The following CCDC146 variants were observed in gnomAD, a reference collection of about 807,000 sequenced individuals.
The protein encoded by CCDC146 is coiled-coil domain-containing protein 146.
A neutral mutation model predicts 119.3 loss-of-function variants in CCDC146; 92 were observed. The ratio of observed to expected loss-of-function variants is 0.77; its 90% CI spans 0.65 to 0.92. The LOEUF (loss-of-function observed/expected upper bound fraction) is 0.92. Ranked by LOEUF, CCDC146 falls within the 40% of genes least tolerant of loss-of-function variation. CCDC146 has a pLI of 0.00. For missense variants in CCDC146, 1,000 were observed against 1,103.0 expected (o/e 0.91, Z 1.32); for synonymous variants, 372 against 371.8 (o/e 1.00, Z -0.01).
chr7:77,183,140 C>T (rs928095161), intron 2 of CCDC146, among the ~76,000 whole-genome samples: 1 of 152,086 alleles, frequency 6.6e-6, no homozygotes, highest in Non-Finnish European at 1.5e-5. Flanking sequence ...CAACAGACGC[C>T]TCTCCCACAC....
At chr7:77,164,257 A>G (rs1584035356) in intron 1 of CCDC146, among the ~76,000 whole-genome samples, 2 of 152,304 alleles carry the variant, frequency 1.3e-5, no homozygotes, top group East Asian at 3.9e-4. Flanking sequence ...TTTAATATCC[A>G]TGAAAGGATT....
chr7:77,290,820 G>A (rs1793930357), intron 17 of CCDC146, among the ~76,000 whole-genome samples: 1 of 152,126 alleles, frequency 6.6e-6, no homozygotes, highest in Non-Finnish European at 1.5e-5. Flanking sequence ...TTCAGAGGCA[G>A]GTAAATCACT....
At chr7:77,281,232 C>T (rs764326711) in intron 14 of CCDC146, among the ~76,000 whole-genome samples, 2 of 152,088 alleles carry the variant, frequency 1.3e-5, no homozygotes, top group Non-Finnish European at 2.9e-5. Context: ...AGTGGTCATT[C>T]GGGTTGCCTC....
chr7:77,281,583 A>G (rs747951114), intron 14 of CCDC146, among the ~76,000 whole-genome samples: 1 of 152,154 alleles, frequency 6.6e-6, no homozygotes, highest in South Asian at 2.1e-4. Flanking sequence ...AGACCTTGAG[A>G]GTACAAAAAA....
chr7:77,171,251 A>G (rs1311293253), intron 2 of CCDC146, among the ~76,000 whole-genome samples: 1 of 152,200 alleles, frequency 6.6e-6, no homozygotes, highest in Non-Finnish European at 1.5e-5. Context: ...ACTAGTTAAA[A>G]TAACTCCTCT....
chr7:77,242,410 C>A, intron 4 of CCDC146: 27 of 984,986 alleles, frequency 2.7e-5, no homozygotes, highest in Non-Finnish European at 3.1e-5. Context: ...CTAGATTGTT[C>A]CTCAGGATCA....
chr7:77,291,916 C>A (rs1793951987), intron 17 of CCDC146, among the ~76,000 whole-genome samples: 1 of 152,174 alleles, frequency 6.6e-6, no homozygotes, highest in Non-Finnish European at 1.5e-5. Context: ...CTTATATAAG[C>A]AAAGAGTAAC....
rs577991628 is a variant in CCDC146 at position 77,258,982 on chromosome 7, G to A, written c.685-13G>A. ...AGACCGCATAATTTAACATGATTTC[G>A]TTTCTTTACTAGGATGAAGTGGCCC... is the stretch of plus-strand genomic sequence containing the variant. On this transcript the variant is annotated splice_polypyrimidine_tract_variant and intron_variant, in intron 6 of 18. Transcript: ENST00000285871. 69 of 1,594,368 alleles carry A rather than the reference G, an allele frequency of 4.3e-5. No homozygotes were observed. The highest frequency in any genetic ancestry group is 1.0e-4 in the Admixed American group (6 of 59,096).
intron 9 of CCDC146, among the ~76,000 whole-genome samples, chr7:77,271,326 C>T (rs895127298): frequency 7.3e-5 from 11 of 151,306 alleles, no homozygotes; most frequent in Admixed American, 5.3e-4. Context: ...ATCTTTCTCC[C>T]GTGCTGGACC....
chr7:77,215,344 T>A (rs542117266), intron 2 of CCDC146, among the ~76,000 whole-genome samples: 52 of 152,240 alleles, frequency 3.4e-4, no homozygotes, highest in Non-Finnish European at 6.3e-4. Context: ...GACATGATTC[T>A]AGTAGTCTTG....
intron 2 of CCDC146, among the ~76,000 whole-genome samples, chr7:77,179,392 A>G (rs3095463): frequency 0.072 from 10,984 of 152,192 alleles, 669 homozygotes; most frequent in Non-Finnish European, 0.1. Flanking sequence ...AGAGACAACC[A>G]TAATTAACAA....
At chr7:77,167,153 T>C (rs1166619337) in intron 1 of CCDC146, among the ~76,000 whole-genome samples, 1 of 152,162 alleles carries the variant, frequency 6.6e-6, no homozygotes, top group Non-Finnish European at 1.5e-5. Flanking sequence ...TAAATAAGAA[T>C]ATAGTTTCTG....
In CCDC146 at chr7:77,196,885, A is replaced by C. The variant is rs1388394678; in HGVS notation, c.156+29061A>C. ...TGGTCTCCATGTCACAGTAAACTTC[A>C]AAGCTACTATTTTTGGGATCAGGTG... On this transcript the variant is annotated intron_variant, in intron 2 of 18. Transcript: ENST00000285871. The surrounding 1 kb of genome is among the most constrained non-coding windows in gnomAD (Gnocchi z 4.2). 7 of 1,613,810 alleles carry C rather than the reference A, an allele frequency of 4.3e-6. No homozygotes were observed. Among genetic ancestry groups the C allele is most frequent in the Non-Finnish European group, 5.1e-6 (6 of 1,179,968 alleles).
intron 2 of CCDC146, among the ~76,000 whole-genome samples, chr7:77,228,396 G>C (rs1052040232): frequency 2.6e-5 from 4 of 152,134 alleles, no homozygotes; most frequent in Non-Finnish European, 5.9e-5. Flanking sequence ...ACTTATAAGT[G>C]AGAACATGTG....
At chr7:77,171,284 A>G (rs1056877402) in intron 2 of CCDC146, among the ~76,000 whole-genome samples, 2 of 152,162 alleles carry the variant, frequency 1.3e-5, no homozygotes, top group African/African-American at 2.4e-5. Flanking sequence ...GATATAGCCC[A>G]CTTGTTTCTC....
chr7:77,262,643 G>C (rs1397111867), intron 9 of CCDC146, among the ~76,000 whole-genome samples: 1 of 152,192 alleles, frequency 6.6e-6, no homozygotes, highest in Non-Finnish European at 1.5e-5. Context: ...CCAGTTGAAG[G>C]AGTCAGATCC....
intron 7 of CCDC146, 64 bp from the exon 8 acceptor site, chr7:77,259,945 T>C (rs1793258486): frequency 1.0e-3 from 1 of 994 alleles, no homozygotes; most frequent in African/African-American, 6.4e-3. Flanking sequence ...GGCAAGTGTG[T>C]GTGTGTGTGT....
At chr7:77,148,225 T>A (rs1791053784) in intron 1 of CCDC146, among the ~76,000 whole-genome samples, 2 of 152,276 alleles carry the variant, frequency 1.3e-5, no homozygotes, top group East Asian at 3.9e-4. Flanking sequence ...TGGGATATAA[T>A]CTCCTGGTGT....
At chr7:77,240,835 T>C (rs1207081289) in intron 3 of CCDC146, among the ~76,000 whole-genome samples, 1 of 152,132 alleles carries the variant, frequency 6.6e-6, no homozygotes, top group Non-Finnish European at 1.5e-5. Flanking sequence ...TTTCAACAGT[T>C]TTTCCACTAA....
Sources: gnomAD v4.1 joint callset for allele counts (sites outside exome capture counted in the v4.1 genomes callset) on GRCh38, gnomAD v4.1.1 for gene constraint, Gnocchi (gnomAD v3.1) non-coding constraint, MANE v1.5 for transcripts, NCBI Gene and HGNC (gene_info 2026-07-23, HGNC 2026-07-21) for gene names.